GPM6A: variants seen among roughly 807,000 people sequenced by gnomAD.
The protein encoded by GPM6A is neuronal membrane glycoprotein M6-a.
GPM6A carries 7 observed loss-of-function variants against 32.1 expected under a neutral mutation model. That is an observed-to-expected ratio of 0.22 (90% CI 0.12 to 0.41). The LOEUF is 0.41. Ranked by LOEUF, GPM6A falls within the 10% of genes least tolerant of loss-of-function variation. The pLI, the probability that GPM6A is intolerant of heterozygous loss-of-function variation, is 1.00. For synonymous variants in GPM6A, 130 were observed against 123.4 expected (o/e 1.05, Z -0.35); for missense variants, 235 against 347.2 (o/e 0.68, Z 2.57).
chr4:175,880,678 GCTCT>G (rs1159059111), intron 1 of GPM6A, among the ~76,000 whole-genome samples: 1 of 152,010 alleles, frequency 6.6e-6, no homozygotes, highest in Non-Finnish European at 1.5e-5. Context: ...TCATGATTTG[GCTCT>G]CTGTTTGTCT....
At chr4:175,936,088 G>A (rs1229174963) in intron 1 of GPM6A, among the ~76,000 whole-genome samples, 1 of 151,584 alleles carries the variant, frequency 6.6e-6, no homozygotes, top group African/African-American at 2.4e-5. Context: ...GGTGGATCAT[G>A]AGGTCAGGTG....
chr4:175,969,418 A>G (rs1003192368), intron 1 of GPM6A, among the ~76,000 whole-genome samples: 1 of 152,146 alleles, frequency 6.6e-6, no homozygotes, highest in Non-Finnish European at 1.5e-5. Flanking sequence ...CATTAATAGT[A>G]ATATATCAGG....
intron 1 of GPM6A, among the ~76,000 whole-genome samples, chr4:175,769,753 T>G (rs1223220871): frequency 1.3e-5 from 2 of 152,252 alleles, no homozygotes; most frequent in Non-Finnish European, 2.9e-5. Flanking sequence ...TAAACTTGCC[T>G]GCTAACTGCT....
chr4:175,746,134 T>C (rs549603326), intron 1 of GPM6A, among the ~76,000 whole-genome samples: 1 of 152,184 alleles, frequency 6.6e-6, no homozygotes, highest in Non-Finnish European at 1.5e-5. Context: ...AAAATTTCTA[T>C]GTAATTCATA....
chr4:175,812,146 G>A, intron 1 of GPM6A, 45 bp downstream of exon 1: 2 of 1,412,500 alleles, frequency 1.4e-6, no homozygotes, highest in Non-Finnish European at 2.0e-6. Context: ...CAAGGAAACT[G>A]CAAAATAATT....
Position 175,740,030 on chromosome 4 carries a change from G to A in GPM6A, c.38-38263C>T, listed in dbSNP as rs538259397. Among the ~76,000 whole-genome samples the A allele has an allele frequency of 8.5e-5, 13 of 152,094 alleles. 1 individual carries two copies. The highest frequency in any genetic ancestry group is 2.6e-4 in the African/African-American group (11 of 41,548). ...TGACCAATACTTTGCTAAGACAAGC[G>A]TGTAGAAAATATTGTCTCTAAGACT... On this transcript the variant is annotated intron_variant, in intron 1 of 6. Coordinates refer to ENST00000393658, the MANE Select transcript of GPM6A (RefSeq NM_201591.3).
intron 1 of GPM6A, among the ~76,000 whole-genome samples, chr4:175,976,233 GCTCA>G: frequency 6.6e-6 from 1 of 150,984 alleles, no homozygotes; most frequent in Admixed American, 6.6e-5. Flanking sequence ...GCTGCACTCG[GCTCA>G]CTGCAAGCTC....
intron 4 of GPM6A, among the ~76,000 whole-genome samples, chr4:175,644,311 T>A (rs1373907639): frequency 6.6e-6 from 1 of 151,882 alleles, no homozygotes; most frequent in Non-Finnish European, 1.5e-5. Flanking sequence ...TTACTCTGCC[T>A]TATGCCCCTC....
At chr4:175,724,401 G>A (rs751935442) in intron 1 of GPM6A, among the ~76,000 whole-genome samples, 2 of 152,024 alleles carry the variant, frequency 1.3e-5, no homozygotes, top group Non-Finnish European at 2.9e-5. Flanking sequence ...AAAATTAGCC[G>A]GGCATGATGG....
chr4:175,726,948 A>T (rs1420927296), intron 1 of GPM6A, among the ~76,000 whole-genome samples: 2 of 152,188 alleles, frequency 1.3e-5, no homozygotes, highest in African/African-American at 4.8e-5. Flanking sequence ...GTAAGCCAAG[A>T]TCATGCCACT....
intron 1 of GPM6A, among the ~76,000 whole-genome samples, chr4:175,900,896 A>T (rs1308499917): frequency 6.6e-6 from 1 of 152,248 alleles, no homozygotes; most frequent in Non-Finnish European, 1.5e-5. Context: ...AGATGAATGG[A>T]TAAAGAAAAT....
At chr4:175,900,337 GGAAAGGAAAGGA>G (rs1737922946) in intron 1 of GPM6A, among the ~76,000 whole-genome samples, 6 of 68,500 alleles carry the variant, frequency 8.8e-5, no homozygotes, top group Non-Finnish European at 1.7e-4. Flanking sequence ...GGAAAGGAAA[GGAAAGGAAAGGA>G]AAAGAAAGGA....
chr4:175,726,288 T>A (rs964557352), intron 1 of GPM6A, among the ~76,000 whole-genome samples: 1 of 152,128 alleles, frequency 6.6e-6, no homozygotes, highest in Non-Finnish European at 1.5e-5. Context: ...CGTGAGCCAC[T>A]GCGCCCAGCC....
chr4:175,757,594 T>C (rs1388719484), intron 1 of GPM6A, among the ~76,000 whole-genome samples: 1 of 152,154 alleles, frequency 6.6e-6, no homozygotes, highest in Non-Finnish European at 1.5e-5. Context: ...TCAAAATGAA[T>C]GTTCTCAACA....
At chr4:175,721,684 T>C (rs1300035911) in intron 1 of GPM6A, among the ~76,000 whole-genome samples, 2 of 152,210 alleles carry the variant, frequency 1.3e-5, no homozygotes, top group Non-Finnish European at 2.9e-5. Context: ...TAGAAGACAA[T>C]AAATATTCTG....
At chr4:175,737,820 C>A (rs1311890842) in intron 1 of GPM6A, among the ~76,000 whole-genome samples, 1 of 152,082 alleles carries the variant, frequency 6.6e-6, no homozygotes, top group Non-Finnish European at 1.5e-5. Flanking sequence ...TTTAAACAAC[C>A]AACTCTTGTA....
intron 1 of GPM6A, among the ~76,000 whole-genome samples, chr4:175,771,175 A>G (rs138902907): frequency 0.02 from 3,084 of 151,848 alleles, 58 homozygotes; most frequent in Non-Finnish European, 0.031. Flanking sequence ...CCCATTACCA[A>G]CCCTGCAATA....
intron 1 of GPM6A, among the ~76,000 whole-genome samples, chr4:175,957,572 T>C (rs1461885171): frequency 1.1e-5 from 1 of 91,636 alleles, no homozygotes; most frequent in Non-Finnish European, 2.2e-5. Context: ...AGTGGGTGGG[T>C]GGGTAGGGGA....
intron 2 of GPM6A, among the ~76,000 whole-genome samples, chr4:175,685,532 T>A (rs571314346): frequency 6.6e-6 from 1 of 152,326 alleles, no homozygotes; most frequent in South Asian, 2.1e-4. Context: ...AAATTTTATA[T>A]CCTACTATGT....
Sources: allele counts gnomAD v4.1 joint callset (sites outside exome capture counted in the v4.1 genomes callset), GRCh38; gene constraint gnomAD v4.1.1; transcripts MANE v1.5; gene names NCBI Gene and HGNC (gene_info 2026-07-23, HGNC 2026-07-21).